PRKN: variants seen among roughly 807,000 people sequenced by gnomAD.
The protein encoded by PRKN is E3 ubiquitin-protein ligase parkin.
In PRKN, 56 loss-of-function variants were observed where a neutral mutation model predicts 59.5. The observed-to-expected ratio is 0.94, with a 90% CI of 0.76 to 1.18. The LOEUF is 1.18. Ranked by LOEUF, PRKN falls within the 50% of genes most tolerant of loss-of-function variation. The pLI is 0.00. For synonymous variants in PRKN, 250 were observed against 222.1 expected (o/e 1.13, Z -1.12); for missense variants, 657 against 596.4 (o/e 1.10, Z -1.06).
At chr6:161,351,873 G>T (rs893093471) in intron 11 of PRKN, among the ~76,000 whole-genome samples, 1 of 152,180 alleles carries the variant, frequency 6.6e-6, no homozygotes, top group Non-Finnish European at 1.5e-5. Flanking sequence ...GTCATTCACA[G>T]AACAGGTTAT....
chr6:162,498,435 TTTTC>T lies in PRKN; in HGVS notation c.8-54966_8-54963del, dbSNP rs1182523450. ...TTTTTTGAGATGGAGTTTCTTTCCT[TTTTC>T]TTTTTTTTTTTTTTTTTTTTTTTGA... On this transcript the variant is annotated intron_variant, in intron 1 of 11. Coordinates refer to ENST00000366898, the MANE Select transcript of PRKN (RefSeq NM_004562.3). Among the ~76,000 whole-genome samples the T allele has an allele frequency of 4.3e-5, 4 of 92,292 alleles. 1 individual carries two copies. Among genetic ancestry groups the T allele is most frequent in the African/African-American group, 8.1e-5 (2 of 24,650 alleles). 60.5% of individuals were successfully genotyped at this position (92,292 alleles called of 152,430 possible).
intron 1 of PRKN, among the ~76,000 whole-genome samples, chr6:162,629,491 T>C (rs1015930868): frequency 5.3e-5 from 8 of 152,146 alleles, no homozygotes; most frequent in Non-Finnish European, 7.4e-5. Context: ...AAAGAGTCAA[T>C]TGCAGAAGAC....
chr6:162,184,829 A>G (rs1294540515), intron 4 of PRKN, among the ~76,000 whole-genome samples: 1 of 152,178 alleles, frequency 6.6e-6, no homozygotes, highest in Non-Finnish European at 1.5e-5. Context: ...GGCAATATTG[A>G]GAAGTTTTGG....
chr6:161,358,483 C>T (rs967290256), intron 11 of PRKN, among the ~76,000 whole-genome samples: 8 of 151,952 alleles, frequency 5.3e-5, no homozygotes, highest in South Asian at 2.1e-4. Context: ...GGGTGTGTTG[C>T]GTACACCTGT....
chr6:162,184,593 G>T (rs144975650), intron 4 of PRKN, among the ~76,000 whole-genome samples: 108 of 152,228 alleles, frequency 7.1e-4, no homozygotes, highest in African/African-American at 2.4e-3. Flanking sequence ...CTTCCACCAT[G>T]ATCGTAAGTT....
At chr6:161,569,470 T>C (rs1162001573) in intron 7 of PRKN, 54 bp from the exon 8 acceptor site, 1 of 1,459,092 alleles carries the variant, frequency 6.9e-7, no homozygotes, top group South Asian at 1.1e-5. Context: ...TGTGTGGTTA[T>C]ATGTTCTTAC....
chr6:162,012,200 T>G (rs1196082895), intron 5 of PRKN, among the ~76,000 whole-genome samples: 1 of 152,108 alleles, frequency 6.6e-6, no homozygotes, highest in East Asian at 1.9e-4. Context: ...TTATAAATTT[T>G]AAAACAACTT....
rs1183833228 is a variant in PRKN at position 161,414,631 on chromosome 6, GTTC to G, written c.1084-27757_1084-27755del. ...CAGGTGTCACCCTTCAATGGCATGT[GTTC>G]TTCTTGATGTTTCACAGCTACTGCA... On this transcript the variant is annotated intron_variant, in intron 9 of 11. Transcript: ENST00000366898. This position sits in a 1 kb window ranked among gnomAD's most constrained non-coding sequence, Gnocchi z 5.3. 1.3e-5 allele frequency among the ~76,000 whole-genome samples: 2 copies of G among 152,214 alleles called. No homozygotes were observed. Among genetic ancestry groups the G allele is most frequent in the Non-Finnish European group, 2.9e-5 (2 of 68,032 alleles).
intron 2 of PRKN, among the ~76,000 whole-genome samples, chr6:162,410,730 C>A (rs1788314171): frequency 6.6e-6 from 1 of 152,160 alleles, no homozygotes; most frequent in African/African-American, 2.4e-5. Context: ...AACTCTCATC[C>A]AGGAGGCTTT....
intron 4 of PRKN, among the ~76,000 whole-genome samples, chr6:162,141,371 T>C (rs1217222539): frequency 6.6e-6 from 1 of 152,162 alleles, no homozygotes; most frequent in Non-Finnish European, 1.5e-5. Context: ...CAAATTTACC[T>C]AATGCTTTAT....
chr6:161,680,870 A>G (rs1785335402), intron 7 of PRKN, among the ~76,000 whole-genome samples: 1 of 150,648 alleles, frequency 6.6e-6, no homozygotes, highest in African/African-American at 2.5e-5. Context: ...ACTTTAATAC[A>G]ACTGCAAAAA....
intron 4 of PRKN, among the ~76,000 whole-genome samples, chr6:162,175,408 C>G (rs958328986): frequency 2.6e-5 from 4 of 152,114 alleles, no homozygotes; most frequent in African/African-American, 9.7e-5. Flanking sequence ...ATAGCAGGTA[C>G]TTTATGAAGA....
chr6:162,283,434 G>A (rs575811240), intron 2 of PRKN, among the ~76,000 whole-genome samples: 2 of 152,272 alleles, frequency 1.3e-5, no homozygotes, highest in South Asian at 4.1e-4. Flanking sequence ...GAGTGCTCCA[G>A]TAAATCTGGT....
chr6:162,390,218 T>G (rs970114133), intron 2 of PRKN, among the ~76,000 whole-genome samples: 4 of 151,950 alleles, frequency 2.6e-5, no homozygotes, highest in African/African-American at 9.7e-5. Context: ...CGTTAACTGC[T>G]TTTTAAAAAT....
At chr6:162,413,309 A>G (rs1788440238) in intron 2 of PRKN, among the ~76,000 whole-genome samples, 1 of 152,190 alleles carries the variant, frequency 6.6e-6, no homozygotes, top group Non-Finnish European at 1.5e-5. Flanking sequence ...AGCTTGCAAG[A>G]GTAAATGATT....
rs34838356 is a variant in PRKN at position 162,414,726 on chromosome 6, A to AAAAAAAAAAAGT, written c.171+28583_171+28584insACTTTTTTTTTT. On this transcript the variant is annotated intron_variant, in intron 2 of 11. Coordinates refer to ENST00000366898, the MANE Select transcript of PRKN (RefSeq NM_004562.3). The stretch of plus-strand genomic sequence containing the variant: ...ACTCCGTCTCAAAAAAAAAAAAAAA[A>AAAAAAAAAAAGT]AGTGAATCTTTGAAGTTTTAAAATA... Among the ~76,000 whole-genome samples the AAAAAAAAAAAGT allele has an allele frequency of 5.5e-3, 508 of 91,798 alleles. 119 individuals are homozygous for AAAAAAAAAAAGT. Among genetic ancestry groups the AAAAAAAAAAAGT allele is most frequent in the African/African-American group, 0.02 (449 of 22,012 alleles). The allele number at this position is 91,798 out of a possible 152,430, so 60.2% of individuals were successfully genotyped here. A position where few individuals can be genotyped will look rare whatever the true frequency, so the allele number is the denominator to read the frequency against.
intron 1 of PRKN, among the ~76,000 whole-genome samples, chr6:162,692,127 C>A (rs1415753190): frequency 6.7e-6 from 1 of 149,318 alleles, no homozygotes; most frequent in African/African-American, 2.5e-5. Context: ...GCACAATGTG[C>A]ACATGTACCC....
chr6:161,889,855 AATT>A (rs1264748955), intron 6 of PRKN, among the ~76,000 whole-genome samples: 1 of 152,232 alleles, frequency 6.6e-6, no homozygotes, highest in Non-Finnish European at 1.5e-5. Context: ...GACAGCTTCC[AATT>A]ATCTGTAATT....
intron 4 of PRKN, among the ~76,000 whole-genome samples, chr6:162,136,394 T>C (rs58191110): frequency 0.087 from 13,206 of 152,192 alleles, 632 homozygotes; most frequent in Middle Eastern, 0.14. Context: ...TCAGCCCAAG[T>C]AAGCCTTAGG....
Sources: gnomAD v4.1 joint callset for allele counts (sites outside exome capture counted in the v4.1 genomes callset) on GRCh38, gnomAD v4.1.1 for gene constraint, Gnocchi (gnomAD v3.1) non-coding constraint, MANE v1.5 for transcripts, NCBI Gene and HGNC (gene_info 2026-07-23, HGNC 2026-07-21) for gene names.